RP1: variants seen among roughly 807,000 people sequenced by gnomAD.
The protein encoded by RP1 is RP1 axonemal microtubule associated, also known as oxygen-regulated protein 1.
In RP1, 16 loss-of-function variants were observed where a neutral mutation model predicts 14.8. The ratio of observed to expected loss-of-function variants is 1.08; its 90% CI spans 0.73 to 1.65. The LOEUF (loss-of-function observed/expected upper bound fraction) is 1.65. Ranked by LOEUF, RP1 falls within the 40% of genes most tolerant of loss-of-function variation. RP1 has a pLI of 0.00. For missense variants in RP1, 2,631 were observed against 2,535.0 expected (o/e 1.04, Z -0.81); for synonymous variants, 876 against 883.6 (o/e 0.99, Z 0.15).
chr8:54,848,190 C>G (rs1043471355), intron 25 of RP1, among the ~76,000 whole-genome samples: 2 of 152,154 alleles, frequency 1.3e-5, no homozygotes, highest in African/African-American at 4.8e-5. Flanking sequence ...TCTCGGGCAG[C>G]AAAAGTTCCT....
upstream of RP1, among the ~76,000 whole-genome samples, chr8:54,615,904 C>G (rs1041432249): frequency 9.2e-5 from 14 of 152,074 alleles, no homozygotes; most frequent in African/African-American, 3.1e-4. Context: ...TAACACTAGG[C>G]AAGAAAGAAG....
chr8:54,828,119 A>C (rs1811429872), intron 24 of RP1, among the ~76,000 whole-genome samples: 2 of 152,160 alleles, frequency 1.3e-5, no homozygotes, highest in African/African-American at 4.8e-5. Flanking sequence ...ATACCTCCTG[A>C]AGGACCTGCC....
Position 54,595,523 on chromosome 8 carries a change from T to C in RP1, c.-12-25432T>C, listed in dbSNP as rs1805123364. On this transcript the variant is annotated intron_variant, in intron 1 of 22. Transcript: ENST00000636932. Reference sequence around the variant, plus strand: ...CTCCTCTTAGCAAACTGCAATCTTTTAACATCTTAATACTTCTCTCTGGCA... The same window carrying C: ...CTCCTCTTAGCAAACTGCAATCTTTCAACATCTTAATACTTCTCTCTGGCA... Among the ~76,000 whole-genome samples, 3 of 152,196 alleles carry C rather than the reference T, an allele frequency of 2.0e-5. No individual in the cohort carries two copies. In the South Asian group the frequency reaches 6.2e-4, roughly 31 times the overall value.
chr8:54,627,272 A>AGCT lies in RP1; in HGVS notation c.3391_3393dup (p.Ala1131dup). ...GTAATTCATCCACTAATCTCCTTCTAGCTTGGCTCTTGGTGCTAAACCTAA... is the reference window on the plus strand; with the variant it reads ...GTAATTCATCCACTAATCTCCTTCTAGCTGCTTGGCTCTTGGTGCTAAACCTAA... On this transcript the variant is annotated inframe_insertion, in exon 4 of 4. Transcript: ENST00000220676. 1 of 1,614,110 alleles carries AGCT rather than the reference A, an allele frequency of 6.2e-7. No homozygotes were observed. Among genetic ancestry groups the AGCT allele is most frequent in the South Asian group, 1.1e-5 (1 of 91,076 alleles).
At chr8:54,774,679 A>G (rs1424609964), downstream of RP1, among the ~76,000 whole-genome samples, 1 of 152,184 alleles carries the variant, frequency 6.6e-6, no homozygotes, top group Non-Finnish European at 1.5e-5. Context: ...ACATTGGCTC[A>G]CACCTTTTTT....
chr8:54,856,963 A>G, intron 26 of RP1: 1 of 444,460 alleles, frequency 2.2e-6, no homozygotes, highest in Non-Finnish European at 3.6e-6. Flanking sequence ...CAATAGTAAT[A>G]CTATTTTTTT....
At chr8:54,646,968 G>A (rs768161509) in intron 3 of RP1, among the ~76,000 whole-genome samples, 1 of 152,052 alleles carries the variant, frequency 6.6e-6, no homozygotes, top group Non-Finnish European at 1.5e-5. Flanking sequence ...AACATTTTCT[G>A]TCACTGTTAA....
intron 1 of RP1, among the ~76,000 whole-genome samples, chr8:54,568,254 C>A (rs756821465): frequency 6.6e-6 from 1 of 151,930 alleles, no homozygotes; most frequent in African/African-American, 2.4e-5. Flanking sequence ...CAGGTGGCTG[C>A]GACAGAGATT....
At chr8:54,640,243 A>G (rs1426503429) in intron 3 of RP1, among the ~76,000 whole-genome samples, 2 of 152,212 alleles carry the variant, frequency 1.3e-5, no homozygotes, top group East Asian at 3.9e-4. Context: ...TGATTTAGAA[A>G]GGATAGTCTT....
chr8:54,819,546 T>C (rs1811208217), intron 24 of RP1, among the ~76,000 whole-genome samples: 1 of 152,126 alleles, frequency 6.6e-6, no homozygotes, highest in Admixed American at 6.5e-5. Flanking sequence ...GTCTGGGCAT[T>C]GAATAATTAG....
intron 1 of RP1, among the ~76,000 whole-genome samples, chr8:54,578,506 C>T (rs979358226): frequency 6.6e-6 from 1 of 152,202 alleles, no homozygotes; most frequent in South Asian, 2.1e-4. Flanking sequence ...CTGCACCTGA[C>T]CTAATTTTTT....
intron 24 of RP1, among the ~76,000 whole-genome samples, chr8:54,818,762 C>T (rs1487078941): frequency 6.6e-6 from 1 of 152,174 alleles, no homozygotes; most frequent in African/African-American, 2.4e-5. Flanking sequence ...ATTTGTCCTG[C>T]ATTTTCTTTA....
chr8:54,706,046 C>T (rs1006601774), intron 14 of RP1, among the ~76,000 whole-genome samples: 2 of 151,922 alleles, frequency 1.3e-5, no homozygotes, highest in Non-Finnish European at 2.9e-5. Context: ...TACATTCATT[C>T]CTATATGCAT....
At chr8:54,753,194 A>C (rs983072856) in intron 19 of RP1, among the ~76,000 whole-genome samples, 1 of 152,220 alleles carries the variant, frequency 6.6e-6, no homozygotes, top group African/African-American at 2.4e-5. Context: ...GCCTGGAGCA[A>C]GTAAAGATAC....
Position 54,559,971 on chromosome 8 carries a change from T to C in RP1, c.-13+651T>C, listed in dbSNP as rs115450610. ...TCTGTGGTTTCTAACTTGGATGATA[T>C]TAATTTTTCATATTGTTGAGACTGT... is the stretch of plus-strand genomic sequence containing the variant. On this transcript the variant is annotated intron_variant, in intron 1 of 22. Coordinates refer to the RP1 transcript ENST00000636932. Among the ~76,000 whole-genome samples the C allele has an allele frequency of 1.8e-3, 271 of 152,334 alleles. 2 individuals carry two copies. Among genetic ancestry groups the C allele is most frequent in the Middle Eastern group, 6.8e-3 (2 of 294 alleles).
intron 5 of RP1, among the ~76,000 whole-genome samples, chr8:54,654,108 G>C (rs910387849): frequency 4.6e-5 from 7 of 152,182 alleles, no homozygotes; most frequent in Non-Finnish European, 8.8e-5. Flanking sequence ...TACCTGTGAA[G>C]AAGAAACACA....
chr8:54,704,294 C>A (rs1040199355), intron 14 of RP1, among the ~76,000 whole-genome samples: 23 of 152,092 alleles, frequency 1.5e-4, no homozygotes, highest in African/African-American at 4.8e-4. Context: ...ATTGATTAGA[C>A]TAATTTCAAT....
chr8:54,624,559 T>A, intron 3 of RP1, 111 bp from the exon 4 acceptor site: 2 of 1,002,694 alleles, frequency 2.0e-6, no homozygotes, highest in Non-Finnish European at 3.1e-6. Context: ...ACTAATCATT[T>A]CCCCTTTTCT....
At chr8:54,649,009 T>A in exon 4 of RP1, 3 of 1,513,584 alleles carry the variant, frequency 2.0e-6, no homozygotes, top group Non-Finnish European at 2.6e-6. Flanking sequence ...GTTTTTATAA[T>A]CACCAGTGAC....
Sources: gnomAD v4.1 joint callset for allele counts (sites outside exome capture counted in the v4.1 genomes callset) on GRCh38, gnomAD v4.1.1 for gene constraint, MANE v1.5 for transcripts, NCBI Gene and HGNC (gene_info 2026-07-23, HGNC 2026-07-21) for gene names.